The following PTPRT variants were observed in gnomAD, a reference collection of about 807,000 sequenced individuals.
The protein encoded by PTPRT is receptor-type tyrosine-protein phosphatase T.
PTPRT carries 56 observed loss-of-function variants against 176.8 expected under a neutral mutation model. That is an observed-to-expected ratio of 0.32 (90% CI 0.26 to 0.40). PTPRT has a LOEUF of 0.40. PTPRT is among the 10% of genes least tolerant of loss of function. The pLI, the probability that PTPRT is intolerant of heterozygous loss-of-function variation, is 1.00. For missense variants in PTPRT, 1,540 were observed against 1,908.2 expected (o/e 0.81, Z 3.60); for synonymous variants, 783 against 739.0 (o/e 1.06, Z -0.96).
chr20:42,284,468 A>AT (rs1021613279), intron 12 of PTPRT, among the ~76,000 whole-genome samples: 2 of 151,930 alleles, frequency 1.3e-5, no homozygotes, highest in Non-Finnish European at 1.5e-5. Context: ...TTTAGAAATC[A>AT]TTTTTTTCTT....
rs190606611 is a variant in PTPRT, at chr20:43,009,859, G to A, written c.89-123927C>T. 3.6e-3 allele frequency among the ~76,000 whole-genome samples: 553 copies of A among 152,198 alleles called. 4 individuals carry two copies. Among genetic ancestry groups the A allele is most frequent in the Non-Finnish European group, 6.0e-3 (405 of 68,014 alleles). ...CTCTTTATTTCAGGTTTAGTCGAGC[G>A]GAGCAGAGAGGAAAAGCATCTCCCA... is the stretch of plus-strand genomic sequence containing the variant. On this transcript the variant is annotated intron_variant, in intron 1 of 30. Transcript: ENST00000373187.
rs35791318 is a variant in PTPRT, at chr20:43,030,505, C to CA, written c.89-144574dup. 1.6e-3 allele frequency among the ~76,000 whole-genome samples: 195 copies of CA among 119,712 alleles called. 1 individual carries two copies. The highest frequency in any genetic ancestry group is 8.7e-3 in the East Asian group (36 of 4,128). 78.5% of individuals were successfully genotyped at this position (119,712 alleles called of 152,430 possible). The stretch of plus-strand genomic sequence containing the variant: ...AAAAGGGGGAAAGGGCATTTCAGAA[C>CA]AAAAAAAAAAAAAAATGGCATAAGC... On this transcript the variant is annotated intron_variant, in intron 1 of 30. Transcript: ENST00000373187.
At chr20:42,278,350 C>A (rs970711985) in intron 13 of PTPRT, among the ~76,000 whole-genome samples, 9 of 144,126 alleles carry the variant, frequency 6.2e-5, no homozygotes, top group African/African-American at 2.5e-4. Flanking sequence ...TGAGCGAAGG[C>A]CCCAAGCTTG....
chr20:42,577,332 G>A (rs76897172), intron 7 of PTPRT, among the ~76,000 whole-genome samples: 63 of 152,256 alleles, frequency 4.1e-4, no homozygotes, highest in Non-Finnish European at 6.6e-4. Flanking sequence ...TGCACAAGGC[G>A]GATGAGCAAA....
At chr20:42,608,745 T>C (rs145625838) in intron 7 of PTPRT, among the ~76,000 whole-genome samples, 1 of 152,304 alleles carries the variant, frequency 6.6e-6, no homozygotes, top group East Asian at 1.9e-4. Context: ...ACTTAGGGTC[T>C]TGCCATGGGG....
Position 42,248,751 on chromosome 20 carries a change from C to T in PTPRT, c.2248G>A (p.Val750Met), listed in dbSNP as rs372713520. The T allele has an allele frequency of 2.8e-5, 45 of 1,614,068 alleles. No homozygotes were observed. Among genetic ancestry groups the T allele is most frequent in the Middle Eastern group, 3.3e-4 (2 of 6,062 alleles). Residue 750 changes from valine (V) to methionine (M), a missense_variant, in exon 14 of 31, where the codon GTG becomes ATG. Transcript: ENST00000373187. ...QVDNTVKMAG[V>M]IAGLLMFIII... is the part of the protein sequence containing the mutation. ...ATGAACATGAGGAGGCCAGCGATCA[C>T]GCCAGCCATCTTCACGGTGTTGTCC...
chr20:42,508,903 A>G (rs1029819088), intron 7 of PTPRT, among the ~76,000 whole-genome samples: 2 of 144,732 alleles, frequency 1.4e-5, no homozygotes, highest in Non-Finnish European at 3.0e-5. Context: ...ATAAATATAA[A>G]TAATATAATT....
chr20:42,140,668 T>C (rs966228908), intron 18 of PTPRT, among the ~76,000 whole-genome samples: 11 of 152,150 alleles, frequency 7.2e-5, no homozygotes, highest in African/African-American at 2.7e-4. Context: ...ATACCTTCCA[T>C]ATCTGCTGCC....
intron 7 of PTPRT, among the ~76,000 whole-genome samples, chr20:42,501,766 A>G (rs950285708): frequency 1.1e-4 from 16 of 152,280 alleles, no homozygotes; most frequent in African/African-American, 2.2e-4. Flanking sequence ...GGTTATACCA[A>G]TTTATACCCC....
At chr20:42,566,111 TA>T (rs57074457) in intron 7 of PTPRT, among the ~76,000 whole-genome samples, 36,109 of 151,062 alleles carry the variant, frequency 0.24, 4,834 homozygotes, top group African/African-American at 0.36. Flanking sequence ...AAAGTATAAT[TA>T]AAAAAAAATA....
chr20:42,394,790 A>G (rs2058833559), intron 9 of PTPRT, among the ~76,000 whole-genome samples: 1 of 152,210 alleles, frequency 6.6e-6, no homozygotes, highest in African/African-American at 2.4e-5. Context: ...TGTTCAGTGC[A>G]ATAATGAACA....
the PTPRT span, among the ~76,000 whole-genome samples, chr20:42,057,875 C>G: frequency 6.6e-6 from 1 of 152,104 alleles, no homozygotes. Context: ...CTATAAGACA[C>G]GCCCAGCCTG....
At chr20:42,656,905 C>T (rs1165074179) in intron 7 of PTPRT, among the ~76,000 whole-genome samples, 1 of 152,076 alleles carries the variant, frequency 6.6e-6, no homozygotes, top group African/African-American at 2.4e-5. Context: ...TCTGTTAATG[C>T]CAAGTCACCC....
intron 7 of PTPRT, among the ~76,000 whole-genome samples, chr20:42,557,708 T>A (rs2072884172): frequency 6.6e-6 from 1 of 151,952 alleles, no homozygotes; most frequent in East Asian, 1.9e-4. Flanking sequence ...AAACAAACTA[T>A]CAAGCAAAAA....
At chr20:42,846,115 C>T (rs935465116) in intron 2 of PTPRT, among the ~76,000 whole-genome samples, 4 of 152,170 alleles carry the variant, frequency 2.6e-5, no homozygotes, top group Non-Finnish European at 5.9e-5. Flanking sequence ...ACCATGGATG[C>T]CCTCACTTGC....
chr20:42,959,869 A>T (rs1981888807), intron 1 of PTPRT, among the ~76,000 whole-genome samples: 2 of 152,144 alleles, frequency 1.3e-5, no homozygotes, highest in Admixed American at 6.5e-5. Flanking sequence ...GGAGACACAG[A>T]AATAGCCCAG....
chr20:42,258,041 G>A (rs1337056964), intron 13 of PTPRT, among the ~76,000 whole-genome samples: 1 of 152,034 alleles, frequency 6.6e-6, no homozygotes, highest in Non-Finnish European at 1.5e-5. Context: ...TAATAAATAG[G>A]GGGAGAGACC....
intron 1 of PTPRT, among the ~76,000 whole-genome samples, chr20:42,957,249 C>T (rs534209586): frequency 5.1e-4 from 77 of 152,246 alleles, no homozygotes; most frequent in Non-Finnish European, 8.1e-4. Context: ...AGTGGCAGTA[C>T]GCAGCAGTAC....
In PTPRT at chr20:42,243,121, G is replaced by A. The variant is rs546682475; in HGVS notation, c.2312+5566C>T. 4.6e-5 allele frequency among the ~76,000 whole-genome samples: 7 copies of A among 152,120 alleles called. No individual in the cohort carries two copies. The East Asian group carries it at 1.4e-3, about 29-fold the overall frequency. The stretch of plus-strand genomic sequence containing the variant: ...ACAGAGACAGAGAGACAGAGAGAGA[G>A]AGAATGAGACCAAGAGAATGTAGAG... On this transcript the variant is annotated intron_variant, in intron 14 of 30. Coordinates refer to ENST00000373187, the MANE Select transcript of PTPRT (RefSeq NM_007050.6).
Sources: allele counts gnomAD v4.1 joint callset (sites outside exome capture counted in the v4.1 genomes callset), GRCh38; gene constraint gnomAD v4.1.1; transcripts MANE v1.5; gene names NCBI Gene and HGNC (gene_info 2026-07-23, HGNC 2026-07-21).